The following ZNF229 variants were observed in gnomAD, a reference collection of about 807,000 sequenced individuals.
The protein encoded by ZNF229 is zinc finger protein 229.
Under a neutral mutation model 11.8 loss-of-function variants are expected in ZNF229, and 10 were observed. The observed-to-expected ratio is 0.85, with a 90% CI of 0.52 to 1.44. ZNF229 has a LOEUF of 1.44. Among genes scored for constraint, ZNF229 ranks in the 40% most tolerant of loss-of-function variants. The pLI, the probability that ZNF229 is intolerant of heterozygous loss-of-function variation, is 0.00. For missense variants in ZNF229, 1,045 were observed against 1,015.1 expected (o/e 1.03, Z -0.40); for synonymous variants, 368 against 374.8 (o/e 0.98, Z 0.21).
rs771914635 is a variant in ZNF229, at chr19:44,429,529, A to G, written c.1252T>C (p.Ser418Pro). The change falls in exon 6 of 6, where the codon TCA becomes CCA. Residue 418 changes from serine (S) to proline (P), a missense_variant. By Grantham distance (74) the Ser-to-Pro change is moderately conservative. Coordinates refer to ENST00000614049, the MANE Select transcript of ZNF229 (RefSeq NM_014518.4). ...AGCCTCTGATGGACTTGAAGCACTG[A>G]GCTGTAACTGAAGCCCTTCCCACAC... is the stretch of plus-strand genomic sequence containing the variant. Reference protein sequence around the residue: ...SECGKGFSYSSVLQVHQRLHT... With the variant: ...SECGKGFSYSPVLQVHQRLHT... 2.2e-5 allele frequency: 36 copies of G among 1,611,792 alleles called. No individual in the cohort carries two copies. Among genetic ancestry groups the G allele is most frequent in the Non-Finnish European group, 2.7e-5 (32 of 1,178,546 alleles).
rs1006883922 is a variant in ZNF229 at position 44,444,490 on chromosome 19, G to A, written c.-177-1466C>T. ...CCAGGTGTGGACAACCAGGCAACACGCTACCCTCCTACACAAAGGACAAAG... is the reference window on the plus strand; with the variant it reads ...CCAGGTGTGGACAACCAGGCAACACACTACCCTCCTACACAAAGGACAAAG... On this transcript the variant is annotated intron_variant, in intron 2 of 5. Transcript: ENST00000614049. 4.6e-5 allele frequency among the ~76,000 whole-genome samples: 7 copies of A among 152,130 alleles called. No individual in the cohort carries two copies. In the East Asian group the frequency reaches 5.8e-4, roughly 13 times the overall value.
At position 44,429,665 on chromosome 19, in the gene ZNF229, T is replaced by C. The variant is rs371867412; in HGVS notation, c.1116A>G (p.Thr372=). 6.4e-5 allele frequency: 104 copies of C among 1,614,174 alleles called. No homozygotes were observed. The East Asian group carries it at 8.7e-4, about 13-fold the overall frequency. Residue 372 remains threonine (T), a synonymous_variant, in exon 6 of 6, where the codon ACA becomes ACG. Transcript: ENST00000614049. ...SVLLIHQGVH[T]GRRPYKCEEC... ...CCTCACATTTATAGGGTCTCCTTCC[T>C]GTGTGCACCCCTTGATGAATAAGAA...
intron 2 of ZNF229, among the ~76,000 whole-genome samples, chr19:44,443,748 T>C (rs1971955980): frequency 6.6e-6 from 1 of 152,194 alleles, no homozygotes; most frequent in South Asian, 2.1e-4. Flanking sequence ...ATGATGTATA[T>C]GGATGACAAA....
rs554156166 is a variant in ZNF229, at chr19:44,443,543, G to C, written c.-177-519C>G. 2.0e-5 allele frequency among the ~76,000 whole-genome samples: 3 copies of C among 152,170 alleles called. No homozygotes were observed. In the South Asian group the frequency reaches 6.2e-4, roughly 32 times the overall value. Reference sequence around the variant, plus strand: ...GAATAAAGTTTTAAATGCATAAAATGAAATGCAAAGAATTATATGGAAATA... The same window carrying C: ...GAATAAAGTTTTAAATGCATAAAATCAAATGCAAAGAATTATATGGAAATA... On this transcript the variant is annotated intron_variant, in intron 2 of 5. Transcript: ENST00000614049.
At chr19:44,432,513 A>C in intron 4 of ZNF229, 147 bp from the exon 5 acceptor site, 1 of 1,184,506 alleles carries the variant, frequency 8.4e-7, no homozygotes. Flanking sequence ...GCAGCCATAA[A>C]AAATGATGAG....
Position 44,442,590 on chromosome 19 carries a change from T to A in ZNF229, c.66A>T (p.Gln22His), listed in dbSNP as rs779273195. Reference protein sequence around the residue: ...ALHSQASAISQDREEKIMSQE... With the variant: ...ALHSQASAISHDREEKIMSQE... ...GAGACATGATCTTCTCCTCCCTATC[T>A]TGGGAAATGGCTGAGGCTTGAGAAT... The change falls in exon 4 of 6, where the codon CAA becomes CAT. Residue 22 changes from glutamine to histidine, a missense_variant. Physicochemically the swap from Gln to His is conservative, Grantham distance 24. Transcript: ENST00000614049. 2 of 1,613,920 alleles carry A rather than the reference T, an allele frequency of 1.2e-6. No homozygotes were observed. The highest frequency in any genetic ancestry group is 1.7e-6 in the Non-Finnish European group (2 of 1,180,018).
intron 4 of ZNF229, among the ~76,000 whole-genome samples, chr19:44,439,791 G>T (rs1400279377): frequency 6.6e-6 from 1 of 152,160 alleles, no homozygotes; most frequent in Non-Finnish European, 1.5e-5. Context: ...ACATGACAAA[G>T]ATATTGATGG....
chr19:44,438,735 T>G (rs1971856896), intron 4 of ZNF229, among the ~76,000 whole-genome samples: 1 of 152,106 alleles, frequency 6.6e-6, no homozygotes, highest in Non-Finnish European at 1.5e-5. Context: ...GGTGCCTACC[T>G]AATGAAACTT....
chr19:44,434,805 G>A (rs7249536), intron 4 of ZNF229, among the ~76,000 whole-genome samples: 58,182 of 152,006 alleles, frequency 0.38, 12,344 homozygotes, highest in South Asian at 0.6. Context: ...AAGTTTTAGT[G>A]CATATTACAT....
intron 2 of ZNF229, among the ~76,000 whole-genome samples, chr19:44,446,305 G>C (rs1185827317): frequency 1.3e-5 from 2 of 152,176 alleles, no homozygotes; most frequent in East Asian, 1.9e-4. Flanking sequence ...AAAATAATAA[G>C]ATAGCAAAAG....
chr19:44,443,263 A>C (rs1369401198), intron 2 of ZNF229, among the ~76,000 whole-genome samples: 2 of 152,236 alleles, frequency 1.3e-5, no homozygotes, highest in Middle Eastern at 3.2e-3. Context: ...TCAGTAAGGC[A>C]CAGGGCCCCT....
At chr19:44,435,973 CT>C (rs1437458673) in intron 4 of ZNF229, among the ~76,000 whole-genome samples, 1 of 152,168 alleles carries the variant, frequency 6.6e-6, no homozygotes, top group Non-Finnish European at 1.5e-5. Context: ...CAAATAAACA[CT>C]GAAGGGTAGT....
chr19:44,430,334 C>T lies in ZNF229; in HGVS notation c.447G>A (p.Pro149=), dbSNP rs190811456. 5.2e-5 allele frequency: 84 copies of T among 1,614,074 alleles called. No individual in the cohort carries two copies. Among genetic ancestry groups the T allele is most frequent in the Non-Finnish European group, 6.5e-5 (77 of 1,180,018 alleles). The change falls in exon 6 of 6, where the codon CCG becomes CCA. Residue 149 remains proline, a synonymous_variant. Coordinates refer to ENST00000614049, the MANE Select transcript of ZNF229 (RefSeq NM_014518.4). ...PHQGWEGAST[P]CFPIENFLDS... Reference sequence around the variant, plus strand: ...CCAGGAAATTCTCAATTGGAAAACACGGCGTAGATGCTCCTTCCCACCCTT... The same window carrying T: ...CCAGGAAATTCTCAATTGGAAAACATGGCGTAGATGCTCCTTCCCACCCTT...
At chr19:44,439,088 T>C (rs1971863282) in intron 4 of ZNF229, among the ~76,000 whole-genome samples, 1 of 152,086 alleles carries the variant, frequency 6.6e-6, no homozygotes, top group South Asian at 2.1e-4. Context: ...TGACACTACC[T>C]CCGGGCAGAC....
rs999067233 is a variant in ZNF229 at position 44,442,710 on chromosome 19, A to G, written c.35-89T>C. 6.9e-6 allele frequency: 11 copies of G among 1,604,110 alleles called. No individual in the cohort carries two copies. The African/African-American group carries it at 1.1e-4, about 16-fold the overall frequency. On this transcript the variant is annotated intron_variant, in intron 3 of 5. Transcript: ENST00000614049. ...CTGGTAGGAAGGTGCCCAGCTTTAC[A>G]GACTGGTTTCTTCTCACTTGAGGAA...
rs956523315 is a variant in ZNF229, at chr19:44,426,950, C to A, written c.*1353G>T. On this transcript the variant is annotated 3_prime_UTR_variant, in exon 6 of 6. Coordinates refer to ENST00000614049, the MANE Select transcript of ZNF229 (RefSeq NM_014518.4). ...GCAAAGGAAAGAGGTTTAACTCACA[C>A]ACAGTTCCACATGGCTGGGGAGGCC... 6.6e-6 allele frequency: 1 copy of A among 152,190 alleles called. No individual in the cohort carries two copies. The highest frequency in any genetic ancestry group is 2.4e-5 in the African/African-American group (1 of 41,412). The allele number at this position is 152,190 out of a possible 1,614,324, so 9.4% of individuals were successfully genotyped here.
At chr19:44,437,978 T>C (rs1600024502) in intron 4 of ZNF229, among the ~76,000 whole-genome samples, 3 of 152,094 alleles carry the variant, frequency 2.0e-5, no homozygotes, top group East Asian at 1.9e-4. Context: ...GAGTGGATAG[T>C]GGGAGGAGGG....
chr19:44,428,861 G>A lies in ZNF229; in HGVS notation c.1920C>T (p.Ser640=). 3 of 1,613,806 alleles carry A rather than the reference G, an allele frequency of 1.9e-6. No homozygotes were observed. The highest frequency in any genetic ancestry group is 1.6e-4 in the Middle Eastern group (1 of 6,062). The part of the protein sequence containing the change: ...CAECGKGFSY[S]SGLLIHQRVH... The stretch of plus-strand genomic sequence containing the variant: ...CTCTCTGGTGAATGAGAAGCCCTGA[G>A]CTGTAACTGAAGCCTTTGCCACACT... The change falls in exon 6 of 6, where the codon AGC becomes AGT. Residue 640 remains serine (S), a synonymous_variant. Transcript: ENST00000614049.
In ZNF229 at chr19:44,430,033, T is replaced by C. The variant is rs370542862; in HGVS notation, c.748A>G (p.Ile250Val). Residue 250 changes from isoleucine to valine, a missense_variant, in exon 6 of 6, where the codon ATT (isoleucine) becomes GTT (valine). Coordinates refer to ENST00000614049, the MANE Select transcript of ZNF229 (RefSeq NM_014518.4). The part of the protein sequence containing the change: ...CGCNKCRKDC[I>V]KNSVLHRINP... ...ATGCGATGAAGTACAGAGTTTTTAA[T>C]GCAGTCTTTTCTGCATTTATTGCAA... 1.4e-5 allele frequency: 23 copies of C among 1,614,198 alleles called. No homozygotes were observed. The highest frequency in any genetic ancestry group is 1.2e-4 in the African/African-American group (9 of 75,018).
Sources: allele counts gnomAD v4.1 joint callset (sites outside exome capture counted in the v4.1 genomes callset), GRCh38; gene constraint gnomAD v4.1.1; transcripts MANE v1.5; gene names NCBI Gene and HGNC (gene_info 2026-07-23, HGNC 2026-07-21).